Variants in DLGAP2 observed in about 807,000 individuals in gnomAD.
The protein encoded by DLGAP2 is disks large-associated protein 2.
Under a neutral mutation model 100.3 loss-of-function variants are expected in DLGAP2, and 26 were observed. The observed-to-expected ratio is 0.26, with a 90% CI of 0.19 to 0.36. DLGAP2 has a LOEUF of 0.36. DLGAP2 is among the 10% of genes least tolerant of loss of function. The pLI is 1.00. For missense variants in DLGAP2, 1,858 were observed against 1,453.2 expected, an observed-to-expected ratio of 1.28 and a Z score of -4.53; for synonymous variants, 886 against 630.1, an observed-to-expected ratio of 1.41 and a Z score of -6.08.
At position 1,206,384 on chromosome 8, in the gene DLGAP2, T is replaced by A. The variant is rs926935219; in HGVS notation, c.74-52467T>A. ...TGGACTGGGGTAGACTGTGAGCGGT[T>A]AATCTCCAGCCATCCGTGGACTGGG... On this transcript the variant is annotated intron_variant, in intron 2 of 14. Coordinates refer to ENST00000637795, the MANE Select transcript of DLGAP2 (RefSeq NM_001346810.2). Among the ~76,000 whole-genome samples the A allele has an allele frequency of 2.8e-5, 4 of 143,080 alleles. No individual in the cohort carries two copies. The Admixed American group carries it at 2.9e-4, about 10-fold the overall frequency. 93.9% of individuals were successfully genotyped at this position (143,080 alleles called of 152,430 possible).
chr8:853,217 C>T (rs112138764), intron 1 of DLGAP2, among the ~76,000 whole-genome samples: 135 of 152,234 alleles, frequency 8.9e-4, no homozygotes, highest in African/African-American at 3.0e-3. Flanking sequence ...AGAGAAAGGA[C>T]GCGGAGCATG....
chr8:785,072 C>T (rs1042600424), intron 1 of DLGAP2, among the ~76,000 whole-genome samples: 2 of 151,672 alleles, frequency 1.3e-5, no homozygotes, highest in Non-Finnish European at 2.9e-5. Context: ...AAAACATTAG[C>T]CGGGTGTGGT....
chr8:784,644 A>C (rs1287150915), intron 1 of DLGAP2, among the ~76,000 whole-genome samples: 1 of 152,242 alleles, frequency 6.6e-6, no homozygotes, highest in Non-Finnish European at 1.5e-5. Flanking sequence ...GTACCCTATC[A>C]AGATCTTTTC....
chr8:1,103,996 C>T (rs1804670942), intron 2 of DLGAP2, among the ~76,000 whole-genome samples: 1 of 152,208 alleles, frequency 6.6e-6, no homozygotes, highest in Admixed American at 6.5e-5. Context: ...GCCCCTGCAT[C>T]AGGTGGCATC....
intron 3 of DLGAP2, among the ~76,000 whole-genome samples, chr8:1,288,955 A>C (rs1799999750): frequency 6.6e-6 from 1 of 152,202 alleles, no homozygotes; most frequent in Non-Finnish European, 1.5e-5. Flanking sequence ...AGTACTTAGA[A>C]AATGCAAGTC....
chr8:1,179,438 C>G (rs543808258), intron 2 of DLGAP2, among the ~76,000 whole-genome samples: 3 of 131,366 alleles, frequency 2.3e-5, no homozygotes, highest in Non-Finnish European at 3.7e-5. Context: ...AGGCTCAGCT[C>G]CCTGCTGTCC....
chr8:982,202 G>T (rs1233825576), intron 2 of DLGAP2, among the ~76,000 whole-genome samples: 1 of 152,310 alleles, frequency 6.6e-6, no homozygotes, highest in East Asian at 1.9e-4. Context: ...CTTCATCTAC[G>T]GAGCAGAGAT....
chr8:1,448,939 C>T lies in DLGAP2; in HGVS notation c.107-52427C>T, dbSNP rs1798060109. Among the ~76,000 whole-genome samples, 2 of 152,172 alleles carry T rather than the reference C, an allele frequency of 1.3e-5. 1 individual carries two copies. The highest frequency in any genetic ancestry group is 2.9e-5 in the Non-Finnish European group (2 of 68,036). On this transcript the variant is annotated intron_variant, in intron 3 of 14. Transcript: ENST00000637795. ...AAACATGCAGCCGCTGCTGGGCCTT[C>T]AAGGAAGCAAAGTCTGTGTCCTTAG... is the stretch of plus-strand genomic sequence containing the variant.
At chr8:1,218,738 A>G (rs1563260544) in intron 2 of DLGAP2, among the ~76,000 whole-genome samples, 1 of 152,160 alleles carries the variant, frequency 6.6e-6, no homozygotes, top group Non-Finnish European at 1.5e-5. Context: ...CCATTTTACA[A>G]TATTGATTCT....
intron 3 of DLGAP2, among the ~76,000 whole-genome samples, chr8:1,294,024 G>A (rs775958385): frequency 2.6e-5 from 4 of 152,162 alleles, no homozygotes; most frequent in Admixed American, 6.5e-5. Context: ...AAGGTGGCTC[G>A]CTGCCACCAG....
intron 8 of DLGAP2, among the ~76,000 whole-genome samples, chr8:1,655,499 C>T (rs980982864): frequency 3.3e-5 from 5 of 152,202 alleles, no homozygotes; most frequent in Admixed American, 6.5e-5. Context: ...GTGCCTTATA[C>T]GATGGAATGC....
chr8:1,647,397 G>A (rs943841074), intron 8 of DLGAP2, among the ~76,000 whole-genome samples: 3 of 147,662 alleles, frequency 2.0e-5, no homozygotes, highest in Non-Finnish European at 3.0e-5. Flanking sequence ...GCTGAGGCAG[G>A]AGAATGGAGT....
chr8:1,454,011 G>A (rs1479716398), intron 3 of DLGAP2, among the ~76,000 whole-genome samples: 2 of 152,268 alleles, frequency 1.3e-5, no homozygotes, highest in Non-Finnish European at 2.9e-5. Flanking sequence ...CTGCCAGGCA[G>A]TGGGATCCGC....
chr8:1,024,812 C>T (rs1341831209), intron 2 of DLGAP2, among the ~76,000 whole-genome samples: 1 of 152,178 alleles, frequency 6.6e-6, no homozygotes, highest in East Asian at 1.9e-4. Context: ...GGGCTTAGGC[C>T]AGCGGCGTCT....
chr8:1,180,505 G>C (rs1430369426), intron 2 of DLGAP2, among the ~76,000 whole-genome samples: 1 of 152,244 alleles, frequency 6.6e-6, no homozygotes, highest in African/African-American at 2.4e-5. Flanking sequence ...TTAGTCTTCT[G>C]TGTTGCATCA....
intron 1 of DLGAP2, among the ~76,000 whole-genome samples, chr8:789,751 A>T (rs117706709): frequency 6.6e-6 from 1 of 152,146 alleles, no homozygotes; most frequent in Non-Finnish European, 1.5e-5. Context: ...GTTAAATCAA[A>T]CACAGGCCCT....
chr8:1,368,302 T>C (rs1802156509), intron 3 of DLGAP2, among the ~76,000 whole-genome samples: 1 of 151,918 alleles, frequency 6.6e-6, no homozygotes, highest in Non-Finnish European at 1.5e-5. Flanking sequence ...TATGTGTATG[T>C]GCATGTGCAT....
At chr8:1,683,972 A>G (rs1386115888) in intron 12 of DLGAP2, among the ~76,000 whole-genome samples, 3 of 127,168 alleles carry the variant, frequency 2.4e-5, no homozygotes, top group Non-Finnish European at 3.3e-5. Flanking sequence ...ATATATATAT[A>G]TATATATATA....
intron 6 of DLGAP2, among the ~76,000 whole-genome samples, chr8:1,577,779 C>T (rs1803051412): frequency 1.3e-5 from 2 of 151,976 alleles, no homozygotes; most frequent in South Asian, 4.2e-4. Context: ...CCTCGGATTC[C>T]CACAGGGGCA....
Sources: allele counts gnomAD v4.1 joint callset (sites outside exome capture counted in the v4.1 genomes callset), GRCh38; gene constraint gnomAD v4.1.1; transcripts MANE v1.5; gene names NCBI Gene and HGNC (gene_info 2026-07-23, HGNC 2026-07-21).